NAAA: variants seen among roughly 807,000 people sequenced by gnomAD.
The protein encoded by NAAA is N-acylethanolamine acid amidase.
Under a neutral mutation model 44.8 loss-of-function variants are expected in NAAA, and 39 were observed. The observed-to-expected ratio is 0.87, with a 90% CI of 0.67 to 1.14. NAAA has a LOEUF of 1.14. Among genes scored for constraint, NAAA ranks in the 50% most tolerant of loss-of-function variants. The pLI, the probability that NAAA is intolerant of heterozygous loss-of-function variation, is 0.00. For missense variants in NAAA, 460 were observed against 467.8 expected (o/e 0.98, Z 0.15); for synonymous variants, 178 against 191.3 (o/e 0.93, Z 0.58).
Position 75,940,999 on chromosome 4 carries a change from GC to G in NAAA, c.-51del, listed in dbSNP as rs376186981. The G allele has an allele frequency of 9.9e-6, 14 of 1,419,484 alleles. 1 individual carries two copies. The African/African-American group carries it at 2.0e-4, about 20-fold the overall frequency. 87.9% of individuals were successfully genotyped at this position (1,419,484 alleles called of 1,614,324 possible). On this transcript the variant is annotated 5_prime_UTR_variant, in exon 1 of 11. Transcript: ENST00000286733. ...TTGGAGACCTGCAGCCGCTGTCGGA[GC>G]CCGGGTAAGCCGTGGAGGAGGAGGA...
intron 4 of NAAA, among the ~76,000 whole-genome samples, chr4:75,928,742 C>T (rs1463425987): frequency 1.3e-5 from 2 of 151,798 alleles, no homozygotes; most frequent in Non-Finnish European, 2.9e-5. Flanking sequence ...ATTTCATATT[C>T]GTTAATTCAT....
At chr4:75,914,680 A>G (rs971632730) in intron 10 of NAAA, among the ~76,000 whole-genome samples, 188 bp downstream of exon 10, 1 of 152,164 alleles carries the variant, frequency 6.6e-6, no homozygotes, top group Non-Finnish European at 1.5e-5. Flanking sequence ...CGCCCCGCCG[A>G]AGATTGGTTT....
intron 4 of NAAA, among the ~76,000 whole-genome samples, chr4:75,926,358 C>T (rs1362774698): frequency 1.3e-5 from 2 of 150,682 alleles, no homozygotes; most frequent in Admixed American, 6.6e-5. Flanking sequence ...GTCAGGAGTT[C>T]GACACTAGCC....
intron 5 of NAAA, among the ~76,000 whole-genome samples, chr4:75,924,101 CTCTT>C (rs1379128666): frequency 6.6e-6 from 1 of 152,204 alleles, no homozygotes; most frequent in Non-Finnish European, 1.5e-5. Flanking sequence ...CTTTGCTCTT[CTCTT>C]TCTTTCGCCT....
rs533500605 is a variant in NAAA, at chr4:75,922,070, C to T, written c.667-947G>A. Among the ~76,000 whole-genome samples the T allele has an allele frequency of 4.9e-4, 74 of 152,258 alleles. 1 individual carries two copies. Among genetic ancestry groups the T allele is most frequent in the Non-Finnish European group, 7.9e-4 (54 of 68,020 alleles). ...GGAAGTACACTGTATGCTCACCCATCCTGGATATTGCCAGGGCACATTGTC... is the reference window on the plus strand; with the variant it reads ...GGAAGTACACTGTATGCTCACCCATTCTGGATATTGCCAGGGCACATTGTC... On this transcript the variant is annotated intron_variant, in intron 5 of 10. Coordinates refer to ENST00000286733, the MANE Select transcript of NAAA (RefSeq NM_014435.4).
intron 5 of NAAA, among the ~76,000 whole-genome samples, chr4:75,921,622 C>T (rs1038611884): frequency 2.6e-5 from 4 of 152,142 alleles, no homozygotes; most frequent in African/African-American, 9.7e-5. Context: ...GAATAAGATG[C>T]TATGGACGTC....
intron 3 of NAAA, chr4:75,935,835 G>T: frequency 1.9e-6 from 1 of 523,988 alleles, no homozygotes; most frequent in African/African-American, 1.9e-5. Context: ...AGCTGACTCT[G>T]CATAAGTGGA....
chr4:75,937,168 C>T (rs985192277), intron 2 of NAAA, among the ~76,000 whole-genome samples: 2 of 152,120 alleles, frequency 1.3e-5, no homozygotes, highest in Non-Finnish European at 2.9e-5. Context: ...TGCCTGTAAT[C>T]CCAGCACTTT....
chr4:75,916,538 A>G (rs1725639648), intron 9 of NAAA: 1 of 152,198 alleles, frequency 6.6e-6, no homozygotes, highest in African/African-American at 2.4e-5. Flanking sequence ...GAATTCAGCC[A>G]AGGGAAATAA....
intron 3 of NAAA, chr4:75,935,201 A>AT (rs1727602256): frequency 6.6e-6 from 1 of 152,222 alleles, no homozygotes; most frequent in Non-Finnish European, 1.5e-5. Context: ...TACTGTTTGA[A>AT]TTTTTTATGA....
At chr4:75,936,960 G>T (rs2149287283) in intron 2 of NAAA, among the ~76,000 whole-genome samples, 1 of 152,286 alleles carries the variant, frequency 6.6e-6, no homozygotes, top group Admixed American at 6.5e-5. Flanking sequence ...GAACAAAACT[G>T]AGAGAAAATA....
chr4:75,927,986 G>A (rs1221877057), intron 4 of NAAA, among the ~76,000 whole-genome samples: 1 of 152,142 alleles, frequency 6.6e-6, no homozygotes, highest in Admixed American at 6.5e-5. Flanking sequence ...CATGTAATGT[G>A]TATCAATAAC....
intron 2 of NAAA, 58 bp downstream of exon 2, chr4:75,939,943 T>G (rs1578094764): frequency 6.3e-7 from 1 of 1,589,642 alleles, no homozygotes. Flanking sequence ...CTCCCGCTAG[T>G]CTGTGTCGGG....
Position 75,928,784 on chromosome 4 carries a change from C to CT in NAAA, c.589+2429dup, listed in dbSNP as rs66858038. Among the ~76,000 whole-genome samples, 250 of 147,032 alleles carry CT rather than the reference C, an allele frequency of 1.7e-3. 3 individuals carry two copies. The highest frequency in any genetic ancestry group is 9.9e-3 in the Admixed American group (146 of 14,722). ...CTCATAGCAGCTATTATCATCCCTGCTTTTTTTTTTTCTTTTTTTTTGAGA... is the reference window on the plus strand; with the variant it reads ...CTCATAGCAGCTATTATCATCCCTGCTTTTTTTTTTTTCTTTTTTTTTGAGA... On this transcript the variant is annotated intron_variant, in intron 4 of 10. Coordinates refer to ENST00000286733, the MANE Select transcript of NAAA (RefSeq NM_014435.4).
intron 5 of NAAA, among the ~76,000 whole-genome samples, chr4:75,921,512 C>T (rs1726160756): frequency 6.6e-6 from 1 of 152,150 alleles, no homozygotes; most frequent in Non-Finnish European, 1.5e-5. Context: ...GGGGATAGAG[C>T]AGTGAATGAG....
At chr4:75,925,875 T>C in intron 4 of NAAA, 64 bp from the exon 5 acceptor site, 1 of 1,486,096 alleles carries the variant, frequency 6.7e-7, no homozygotes, top group Non-Finnish European at 9.4e-7. Flanking sequence ...GAAACAGATA[T>C]GTTATTTTAG....
At chr4:75,939,132 C>T (rs141581024) in intron 2 of NAAA, among the ~76,000 whole-genome samples, 85 of 152,128 alleles carry the variant, frequency 5.6e-4, no homozygotes, top group African/African-American at 2.0e-3. Flanking sequence ...GGATTACAGG[C>T]GTGAGCCACC....
downstream of NAAA, among the ~76,000 whole-genome samples, chr4:75,912,979 C>T (rs576902224): frequency 4.6e-5 from 7 of 152,148 alleles, no homozygotes; most frequent in African/African-American, 7.2e-5. Flanking sequence ...GTCAGGGGAG[C>T]GATGTTCTGT....
rs187885550 is a variant in NAAA at position 75,940,091 on chromosome 4, G to A, written c.281C>T (p.Pro94Leu). 1 of 1,614,120 alleles carries A rather than the reference G, an allele frequency of 6.2e-7. No individual in the cohort carries two copies. Among genetic ancestry groups the A allele is most frequent in the East Asian group, 2.2e-5 (1 of 44,862 alleles). ...CATGCCGCGGATCTCGCCGGTGAAG[G>A]GCTGGGGCAGGAAGCGCTCCAGCTC... The part of the protein sequence containing the change: ...VLELERFLPQ[P>L]FTGEIRGMCD... The change falls in exon 2 of 11, where the codon CCC becomes CTC. Residue 94 changes from proline (P) to leucine (L), a missense_variant. Coordinates refer to ENST00000286733, the MANE Select transcript of NAAA (RefSeq NM_014435.4).
Sources: allele counts gnomAD v4.1 joint callset (sites outside exome capture counted in the v4.1 genomes callset), GRCh38; gene constraint gnomAD v4.1.1; transcripts MANE v1.5; gene names NCBI Gene and HGNC (gene_info 2026-07-23, HGNC 2026-07-21).